Variants in RPS29 observed in about 807,000 individuals in gnomAD.
RPS29 encodes the protein small ribosomal subunit protein uS14.
For missense variants in RPS29, 60 were observed against 75.7 expected (o/e 0.79, Z 0.77); for synonymous variants, 37 against 26.9 (o/e 1.37, Z -1.16).
At chr14:49,578,176 G>A (rs1044323179) in intron 2 of RPS29, among the ~76,000 whole-genome samples, 4 of 151,828 alleles carry the variant, frequency 2.6e-5, no homozygotes, top group Non-Finnish European at 4.4e-5. Flanking sequence ...ATATCAATGA[G>A]TAGCAGTCAA....
chr14:49,580,523 T>C (rs983418396), downstream of RPS29, among the ~76,000 whole-genome samples: 1 of 152,172 alleles, frequency 6.6e-6, no homozygotes, highest in African/African-American at 2.4e-5. Context: ...ATCCCTAACT[T>C]CTACAAGCTC....
downstream of RPS29, among the ~76,000 whole-genome samples, chr14:49,579,792 A>G (rs1008127832): frequency 6.6e-6 from 1 of 152,230 alleles, no homozygotes; most frequent in Non-Finnish European, 1.5e-5. Flanking sequence ...TAAGAGATGC[A>G]TAGTCCTCTA....
chr14:49,594,083 G>A (rs545858871), intron 1 of RPS29, among the ~76,000 whole-genome samples: 1 of 152,016 alleles, frequency 6.6e-6, no homozygotes, highest in African/African-American at 2.4e-5. Flanking sequence ...ATCTATAAAC[G>A]ACATTTCAGC....
intron 1 of RPS29, chr14:49,597,389 G>C (rs1036771383): frequency 6.6e-6 from 1 of 151,922 alleles, no homozygotes; most frequent in African/African-American, 2.4e-5. Context: ...AATTATAACA[G>C]TTTTTACAGT....
At chr14:49,586,685 G>A (rs1454629719), upstream of RPS29, 2 of 293,050 alleles carry the variant, frequency 6.8e-6, no homozygotes, top group African/African-American at 4.2e-5. Flanking sequence ...ATGCCGATCG[G>A]GTGTCCGCAC....
chr14:49,583,249 T>C (rs1357600744), downstream of RPS29, among the ~76,000 whole-genome samples: 2 of 152,162 alleles, frequency 1.3e-5, no homozygotes, highest in African/African-American at 4.8e-5. Flanking sequence ...TAATAAAATG[T>C]AAGTTTTTAA....
chr14:49,586,213 C>G lies in RPS29; in HGVS notation c.62+72G>C, dbSNP rs1881546755. The G allele has an allele frequency of 3.9e-6, 6 of 1,520,788 alleles. No homozygotes were observed. The South Asian group carries it at 6.7e-5, about 17-fold the overall frequency. 94.2% of individuals were successfully genotyped at this position (1,520,788 alleles called of 1,614,324 possible). A position where few individuals can be genotyped will look rare whatever the true frequency, so the allele number is the denominator to read the frequency against. On this transcript the variant is annotated intron_variant, in intron 1 of 2. Coordinates refer to ENST00000245458, the MANE Select transcript of RPS29 (RefSeq NM_001032.5). ...TGCTCCCTCGTGCCGCCCGTGGCCT[C>G]CTCTACTTGAGATTTTAAGCAGCCT...
intron 2 of RPS29, among the ~76,000 whole-genome samples, chr14:49,578,559 C>CTTTTT (rs60555753): frequency 0.02 from 2,073 of 103,232 alleles, 244 homozygotes; most frequent in African/African-American, 0.061. Flanking sequence ...AAAGCTTTCA[C>CTTTTT]TTTTTTTTTT....
At chr14:49,575,105 A>T (rs1881145140) in exon 3 of RPS29, 1 of 152,426 alleles carries the variant, frequency 6.6e-6, no homozygotes, top group African/African-American at 2.4e-5. Context: ...CAGCGGCCTG[A>T]TCTCCGCTCA....
At chr14:49,589,470 A>G (rs1206061206), upstream of RPS29, among the ~76,000 whole-genome samples, 2 of 152,204 alleles carry the variant, frequency 1.3e-5, no homozygotes, top group Non-Finnish European at 2.9e-5. Flanking sequence ...TTAGGACACT[A>G]TTATTCAAGA....
chr14:49,577,546 A>C, exon 3 of RPS29: 1 of 604,946 alleles, frequency 1.7e-6, no homozygotes, highest in Non-Finnish European at 3.0e-6. Flanking sequence ...CAGTACTTCC[A>C]GCTCCTTAAC....
At chr14:49,598,291 G>A in intron 1 of RPS29, 1 of 603,832 alleles carries the variant, frequency 1.7e-6, no homozygotes, top group Non-Finnish European at 3.0e-6. Flanking sequence ...GCCGGGCCCC[G>A]TCCTAGTTCA....
At chr14:49,577,151 G>C (rs1425407168) in exon 3 of RPS29, 1 of 152,642 alleles carries the variant, frequency 6.6e-6, no homozygotes, top group East Asian at 1.9e-4. Context: ...TGAGACAGAA[G>C]AATCACTTGA....
At position 49,586,085 on chromosome 14, in the gene RPS29, G is replaced by C. The variant is rs745426377; in HGVS notation, c.63-36C>G. The C allele has an allele frequency of 1.1e-5, 18 of 1,572,658 alleles. No homozygotes were observed. The East Asian group carries it at 2.9e-4, about 26-fold the overall frequency. ...AGAGACAGCGGTTTTGCAGGTCATAGAAATTACAAGACTCCGCACTCAGAC... is the reference window on the plus strand; with the variant it reads ...AGAGACAGCGGTTTTGCAGGTCATACAAATTACAAGACTCCGCACTCAGAC... On this transcript the variant is annotated intron_variant, in intron 1 of 2. Transcript: ENST00000245458.
chr14:49,598,465 T>C (rs1881889602), exon 1 of RPS29: 1 of 702,338 alleles, frequency 1.4e-6, no homozygotes, highest in African/African-American at 1.7e-5. Context: ...AAAGCCCCCC[T>C]TCGACGTGCC....
chr14:49,595,770 T>A (rs1031296689), intron 1 of RPS29, among the ~76,000 whole-genome samples: 2 of 152,124 alleles, frequency 1.3e-5, no homozygotes. Flanking sequence ...CCCAGCACTT[T>A]GGGAGGCTGG....
At chr14:49,580,277 C>T (rs915274863), downstream of RPS29, among the ~76,000 whole-genome samples, 22 of 152,192 alleles carry the variant, frequency 1.4e-4, no homozygotes, top group African/African-American at 5.3e-4. Context: ...ATTTGCTTAG[C>T]TGACACAGCT....
At chr14:49,596,267 C>G (rs1314797400) in intron 1 of RPS29, among the ~76,000 whole-genome samples, 2 of 152,128 alleles carry the variant, frequency 1.3e-5, no homozygotes, top group Non-Finnish European at 2.9e-5. Context: ...AAAAACAAAT[C>G]TAAATGTTAT....
At chr14:49,583,493 G>T, downstream of RPS29, 1 of 609,716 alleles carries the variant, frequency 1.6e-6, no homozygotes. Context: ...CGACAGAGGG[G>T]GACTCAGTCT....
Sources: gnomAD v4.1 joint callset for allele counts (sites outside exome capture counted in the v4.1 genomes callset) on GRCh38, gnomAD v4.1.1 for gene constraint, MANE v1.5 for transcripts, NCBI Gene and HGNC (gene_info 2026-07-23, HGNC 2026-07-21) for gene names.